ABCB11: variants seen among roughly 807,000 people sequenced by gnomAD.
ABCB11 encodes ATP binding cassette subfamily B member 11.
A neutral mutation model predicts 148.0 loss-of-function variants in ABCB11; 95 were observed. The observed-to-expected ratio is 0.64, with a 90% CI of 0.54 to 0.76. The LOEUF is 0.76. ABCB11 is among the 30% of genes least tolerant of loss of function. ABCB11 has a pLI of 0.00. For synonymous variants in ABCB11, 591 were observed against 555.4 expected (o/e 1.06, Z -0.90); for missense variants, 1,523 against 1,617.8 (o/e 0.94, Z 1.01).
Position 168,958,113 on chromosome 2 carries a change from C to G in ABCB11, c.2194G>C (p.Val732Leu), listed in dbSNP as rs746408716. 6.8e-6 allele frequency: 11 copies of G among 1,610,882 alleles called. No individual in the cohort carries two copies. The Admixed American group carries it at 1.8e-4, about 27-fold the overall frequency. ...GGGGCAGGTTCAACTTCTTCCTGCA[C>G]AGGAATGTCCTTGTCCTTGAGCAGA... ...EEDRKDKDIPVQEEVEPAPVR... is the reference protein window; with the variant it reads ...EEDRKDKDIPLQEEVEPAPVR... Residue 732 changes from valine (V) to leucine (L), a missense_variant, in exon 19 of 28, where the codon GTG (valine) becomes CTG (leucine). By Grantham distance (32) the Val-to-Leu change is conservative (BLOSUM62 1). Transcript: ENST00000650372.
At chr2:168,969,108 C>G (rs1342566010) in intron 16 of ABCB11, among the ~76,000 whole-genome samples, 1 of 123,618 alleles carries the variant, frequency 8.1e-6, no homozygotes, top group Non-Finnish European at 1.7e-5. Flanking sequence ...CTTCTATTTG[C>G]GCAGGGTTAA....
In ABCB11 at chr2:168,976,570, C is replaced by T; in HGVS notation, c.1308+7G>A. ...TTTACTATTCTGGGGAACAGACCAG[C>T]ACTCACCTTCACCTCTGGTCTGGAA... On this transcript the variant is annotated splice_region_variant and intron_variant, in intron 12 of 27. Coordinates refer to ENST00000650372, the MANE Select transcript of ABCB11 (RefSeq NM_003742.4). 1 of 1,502,600 alleles carries T rather than the reference C, an allele frequency of 6.7e-7. No homozygotes were observed. The highest frequency in any genetic ancestry group is 9.2e-7 in the Non-Finnish European group (1 of 1,087,304). The allele number at this position is 1,502,600 out of a possible 1,614,324, so 93.1% of individuals were successfully genotyped here.
At chr2:168,940,491 T>C (rs1403753325) in intron 21 of ABCB11, among the ~76,000 whole-genome samples, 3 of 152,034 alleles carry the variant, frequency 2.0e-5, no homozygotes, top group African/African-American at 7.2e-5. Flanking sequence ...CTAGTAAGGC[T>C]GAGAGAAGTG....
At chr2:168,931,528 T>C (rs1413702257) in intron 24 of ABCB11, among the ~76,000 whole-genome samples, 3 of 152,238 alleles carry the variant, frequency 2.0e-5, no homozygotes, top group African/African-American at 7.2e-5. Flanking sequence ...AATACCTATC[T>C]ATCAATTAGA....
chr2:168,943,620 C>T (rs1366543572), intron 21 of ABCB11, among the ~76,000 whole-genome samples: 1 of 152,028 alleles, frequency 6.6e-6, no homozygotes, highest in African/African-American at 2.4e-5. Flanking sequence ...CTATGGGAAA[C>T]ACATGTGCTT....
At chr2:169,003,894 T>A (rs1694949425) in intron 5 of ABCB11, among the ~76,000 whole-genome samples, 1 of 152,250 alleles carries the variant, frequency 6.6e-6, no homozygotes, top group Non-Finnish European at 1.5e-5. Context: ...AGACTATATC[T>A]TTCCTTCATT....
At chr2:169,016,837 T>A (rs1318692607) in intron 2 of ABCB11, 38 bp from the exon 3 acceptor site, 1 of 1,515,214 alleles carries the variant, frequency 6.6e-7, no homozygotes, top group South Asian at 1.2e-5. Flanking sequence ...AAGCAGTTAA[T>A]AATAATGACA....
intron 10 of ABCB11, among the ~76,000 whole-genome samples, chr2:168,985,835 G>A (rs1258322224): frequency 6.6e-6 from 1 of 151,990 alleles, no homozygotes; most frequent in Admixed American, 6.6e-5. Context: ...CCAGAGCTTG[G>A]ATTCAGTGTA....
At chr2:168,945,577 A>G (rs1692270570) in intron 19 of ABCB11, among the ~76,000 whole-genome samples, 1 of 150,538 alleles carries the variant, frequency 6.6e-6, no homozygotes, top group Admixed American at 6.6e-5. Context: ...GAGGGACAGA[A>G]GAAGGAAGAG....
intron 15 of ABCB11, 62 bp from the exon 16 acceptor site, chr2:168,969,613 G>A (rs1693481987): frequency 7.1e-7 from 1 of 1,411,804 alleles, no homozygotes. Context: ...ACTGACCTTT[G>A]CATCATTTCA....
At chr2:168,917,836 T>C (rs117326521), downstream of ABCB11, among the ~76,000 whole-genome samples, 4 of 152,188 alleles carry the variant, frequency 2.6e-5, no homozygotes, top group Non-Finnish European at 5.9e-5. Context: ...TAGTAGCCAC[T>C]AGTGGCTCTT....
intron 16 of ABCB11, 90 bp downstream of exon 16, chr2:168,969,260 C>T (rs1402158131): frequency 1.6e-6 from 2 of 1,216,964 alleles, no homozygotes; most frequent in Non-Finnish European, 2.3e-6. Context: ...GTTGGGAGAA[C>T]AGTGAGTATT....
At chr2:168,924,579 T>C (rs933538988) in intron 27 of ABCB11, 78 bp downstream of exon 27, 2 of 1,426,912 alleles carry the variant, frequency 1.4e-6, no homozygotes, top group Non-Finnish European at 1.9e-6. Context: ...TTGAAAATAG[T>C]GCCATTTTAT....
chr2:168,929,021 C>T (rs181759878), intron 25 of ABCB11, among the ~76,000 whole-genome samples: 1 of 152,148 alleles, frequency 6.6e-6, no homozygotes, highest in Non-Finnish European at 1.5e-5. Context: ...TAGCATTTCT[C>T]TTCATAATGT....
intron 12 of ABCB11, among the ~76,000 whole-genome samples, chr2:168,975,211 TTAAA>T (rs1278205138): frequency 5.1e-5 from 5 of 97,928 alleles, no homozygotes; most frequent in African/African-American, 1.3e-4. Context: ...ATTTTTATAT[TTAAA>T]TATTTATAGA....
At position 168,986,105 on chromosome 2, in the gene ABCB11, G is replaced by C. The variant is rs776255881; in HGVS notation, c.1083+5C>G. The C allele has an allele frequency of 6.3e-7, 1 of 1,589,256 alleles. No individual in the cohort carries two copies. Among genetic ancestry groups the C allele is most frequent in the South Asian group, 1.1e-5 (1 of 87,126 alleles). ...GCTATGTCTCGGTCAATAAGTCCAA[G>C]GTACCTGGACAAGGGTTCCTGGTGT... On this transcript the variant is annotated splice_donor_5th_base_variant and intron_variant, in intron 10 of 27. Transcript: ENST00000650372.
At chr2:169,007,981 G>T (rs1695073629) in intron 5 of ABCB11, among the ~76,000 whole-genome samples, 1 of 152,082 alleles carries the variant, frequency 6.6e-6, no homozygotes, top group Non-Finnish European at 1.5e-5. Context: ...TACATATTTT[G>T]TTATATTATT....
chr2:168,923,850 C>A (rs756957204), intron 27 of ABCB11, 28 bp from the exon 28 acceptor site: 2 of 1,609,826 alleles, frequency 1.2e-6, no homozygotes, highest in South Asian at 2.2e-5. Context: ...AAAGTTGATG[C>A]AAAGATGCAT....
intron 11 of ABCB11, among the ~76,000 whole-genome samples, chr2:168,978,675 A>AG (rs1694022053): frequency 6.6e-6 from 1 of 150,690 alleles, no homozygotes; most frequent in African/African-American, 2.4e-5. Context: ...TTTTTTAAAG[A>AG]GAAAGAACAA....
Sources: gnomAD v4.1 joint callset for allele counts (sites outside exome capture counted in the v4.1 genomes callset) on GRCh38, gnomAD v4.1.1 for gene constraint, MANE v1.5 for transcripts, NCBI Gene and HGNC (gene_info 2026-07-23, HGNC 2026-07-21) for gene names.